Variants in TPH1 observed in about 807,000 individuals in gnomAD.
TPH1 encodes tryptophan 5-hydroxylase 1.
Under a neutral mutation model 49.5 loss-of-function variants are expected in TPH1, and 37 were observed. The ratio of observed to expected loss-of-function variants is 0.75; its 90% confidence interval spans 0.58 to 0.98. TPH1 has a LOEUF of 0.98. Ranked by LOEUF, TPH1 falls within the 50% of genes least tolerant of loss-of-function variation. The pLI, the probability that TPH1 is intolerant of heterozygous loss-of-function variation, is 0.00. For synonymous variants in TPH1, 160 were observed against 182.1 expected, an observed-to-expected ratio of 0.88 and a Z score of 0.98; for missense variants, 487 against 523.6, an observed-to-expected ratio of 0.93 and a Z score of 0.68.
chr11:18,035,055 C>CGGA (rs2134031861), intron 3 of TPH1, among the ~76,000 whole-genome samples: 1 of 152,362 alleles, frequency 6.6e-6, no homozygotes, highest in African/African-American at 2.4e-5. Flanking sequence ...CGCTCCTAGA[C>CGGA]GGAGCTCAGG....
chr11:18,032,047 T>C (rs1847995949), intron 4 of TPH1, among the ~76,000 whole-genome samples: 1 of 152,162 alleles, frequency 6.6e-6, no homozygotes, highest in African/African-American at 2.4e-5. Context: ...GATTATAGAA[T>C]AATTGGACAG....
rs930720356 is a variant in TPH1 at position 18,020,019 on chromosome 11, A to G, written c.*972T>C. 1 of 235,718 alleles carries G rather than the reference A, an allele frequency of 4.2e-6. No individual in the cohort carries two copies. The highest frequency in any genetic ancestry group is 2.3e-5 in the African/African-American group (1 of 43,274). 14.6% of individuals were successfully genotyped at this position (235,718 alleles called of 1,614,324 possible). A position where few individuals can be genotyped will look rare whatever the true frequency, so the allele number is the denominator to read the frequency against. On this transcript the variant is annotated 3_prime_UTR_variant, in exon 11 of 11. Coordinates refer to ENST00000682019, the MANE Select transcript of TPH1 (RefSeq NM_004179.3). ...ATACCTTAGAAATAAAGTACTCAGC[A>G]CTGTTTTTTCTATCTTTTACTTTGT... is the stretch of plus-strand genomic sequence containing the variant.
At chr11:18,031,589 G>C (rs1283964338) in intron 4 of TPH1, among the ~76,000 whole-genome samples, 1 of 152,122 alleles carries the variant, frequency 6.6e-6, no homozygotes, top group Non-Finnish European at 1.5e-5. Context: ...AAGGCTAAAA[G>C]AAGGGAGACC....
Position 18,022,724 on chromosome 11 carries a change from T to TA in TPH1, c.1160+73_1160+74insT, listed in dbSNP as rs1854376723. 6 of 1,558,430 alleles carry TA rather than the reference T, an allele frequency of 3.9e-6. No homozygotes were observed. In the South Asian group the frequency reaches 6.8e-5, roughly 18 times the overall value. ...GGCTTCAAATTATCTAGCTGCTTAC[T>TA]TCTGTGACTTGTTACCATAATGGGG... is the stretch of plus-strand genomic sequence containing the variant. On this transcript the variant is annotated intron_variant, in intron 10 of 10. Transcript: ENST00000682019.
chr11:18,021,308 T>TGCAAATGTAGTGTAGAGA, intron 10 of TPH1, 143 bp from the exon 11 acceptor site: 1 of 772,058 alleles, frequency 1.3e-6, no homozygotes, highest in Non-Finnish European at 2.2e-6. Context: ...CCTACTTCTC[T>TGCAAATGTAGTGTAGAGA]ACACTACATT....
intron 1 of TPH1, among the ~76,000 whole-genome samples, chr11:18,045,796 G>C (rs1159728204): frequency 6.6e-6 from 1 of 152,126 alleles, no homozygotes; most frequent in Non-Finnish European, 1.5e-5. Context: ...GGCTGTTTAA[G>C]GGAAGCTTCC....
chr11:18,019,766 G>C lies in TPH1; in HGVS notation c.*1225C>G, dbSNP rs1488105971. On this transcript the variant is annotated 3_prime_UTR_variant, in exon 11 of 11. Transcript: ENST00000682019. ...AGAGGGAGGAAAGGGGCAAATTAAA[G>C]AGACATAAGTTTGTATTTTGGAGTT... 2.2e-6 allele frequency: 1 copy of C among 456,958 alleles called. No individual in the cohort carries two copies. Among genetic ancestry groups the C allele is most frequent in the African/African-American group, 2.0e-5 (1 of 50,190 alleles). 28.3% of individuals were successfully genotyped at this position (456,958 alleles called of 1,614,324 possible). A position where few individuals can be genotyped will look rare whatever the true frequency, so the allele number is the denominator to read the frequency against.
chr11:18,029,286 G>A lies in TPH1; in HGVS notation c.546C>T (p.Asn182=), dbSNP rs1847959683. The change falls in exon 6 of 11, where the codon AAC becomes AAT. Residue 182 remains asparagine (N), a synonymous_variant. Coordinates refer to ENST00000682019, the MANE Select transcript of TPH1 (RefSeq NM_004179.3). Reference sequence around the variant, plus strand: ...TGCAAGCATGGGTTGGGTAGAGTTTGTTGAGCTCTTGGAATACGGTTCCCC... The same window carrying A: ...TGCAAGCATGGGTTGGGTAGAGTTTATTGAGCTCTTGGAATACGGTTCCCC... ...KTWGTVFQEL[N]KLYPTHACRE... The A allele has an allele frequency of 6.2e-7, 1 of 1,614,016 alleles. No individual in the cohort carries two copies. The highest frequency in any genetic ancestry group is 8.5e-7 in the Non-Finnish European group (1 of 1,179,944).
chr11:18,034,149 T>C (rs1170055490), intron 3 of TPH1, among the ~76,000 whole-genome samples: 1 of 152,244 alleles, frequency 6.6e-6, no homozygotes, highest in Non-Finnish European at 1.5e-5. Context: ...AGACTATATC[T>C]TTTTGTATCC....
chr11:18,021,186 G>A (rs1221147194), intron 10 of TPH1, 21 bp from the exon 11 acceptor site: 5 of 1,607,558 alleles, frequency 3.1e-6, no homozygotes, highest in Admixed American at 3.3e-5. Context: ...AAACAAATAG[G>A]AGACAATCAA....
intron 1 of TPH1, among the ~76,000 whole-genome samples, chr11:18,042,872 G>A (rs573300309): frequency 6.6e-6 from 1 of 152,300 alleles, no homozygotes; most frequent in Non-Finnish European, 1.5e-5. Flanking sequence ...ATGTGGAAAA[G>A]TTGCTTTATG....
intron 2 of TPH1, among the ~76,000 whole-genome samples, chr11:18,038,074 G>A (rs994723065): frequency 3.9e-5 from 6 of 152,182 alleles, no homozygotes; most frequent in South Asian, 4.1e-4. Context: ...TTGGGAAGAC[G>A]AGTGGAAAAG....
At chr11:18,029,787 A>G (rs1297296694) in intron 4 of TPH1, among the ~76,000 whole-genome samples, 5 of 152,332 alleles carry the variant, frequency 3.3e-5, no homozygotes, top group South Asian at 4.1e-4. Flanking sequence ...CTACAAAGAT[A>G]AAAGATATAA....
Position 18,036,023 on chromosome 11 carries a change from C to G in TPH1, c.237G>C (p.Leu79=), listed in dbSNP as rs745843992. 13 of 1,612,594 alleles carry G rather than the reference C, an allele frequency of 8.1e-6. No homozygotes were observed. The highest frequency in any genetic ancestry group is 1.1e-5 in the Non-Finnish European group (13 of 1,179,834). The change falls in exon 3 of 11, where the codon CTG becomes CTC. Residue 79 remains leucine (L), a synonymous_variant. Transcript: ENST00000682019. ...NREQLNDIFH[L]LKSHTNVLSV... ...AGAGAACATTGGTATGAGACTTCAGCAGATGAAAAATATCATTCAATTGTT... is the reference window on the plus strand; with the variant it reads ...AGAGAACATTGGTATGAGACTTCAGGAGATGAAAAATATCATTCAATTGTT...
chr11:18,027,332 C>T lies in TPH1; in HGVS notation c.668-707G>A, dbSNP rs555873032. Among the ~76,000 whole-genome samples the T allele has an allele frequency of 7.2e-5, 11 of 152,292 alleles. No homozygotes were observed. In the South Asian group the frequency reaches 2.1e-3, roughly 29 times the overall value. On this transcript the variant is annotated intron_variant, in intron 6 of 10. Coordinates refer to ENST00000682019, the MANE Select transcript of TPH1 (RefSeq NM_004179.3). ...ATTTGGATGCTCCCATTCTGATGGG[C>T]AGACTGCACTGTCCGGTAAAAATTT...
At chr11:18,046,075 A>G (rs1040007917) in intron 1 of TPH1, among the ~76,000 whole-genome samples, 166 bp downstream of exon 1, 1 of 152,198 alleles carries the variant, frequency 6.6e-6, no homozygotes, top group Non-Finnish European at 1.5e-5. Context: ...GGAGGAAAGA[A>G]TAGTAAGCGT....
At position 18,036,155 on chromosome 11, in the gene TPH1, C is replaced by T. The variant is rs368037942; in HGVS notation, c.118-13G>A. ...TCACATGCTTCTCCTGTGTAAAGCA[C>T]AGGGAAAAGATTTCATGTAACTGCC... is the stretch of plus-strand genomic sequence containing the variant. On this transcript the variant is annotated splice_polypyrimidine_tract_variant and intron_variant, in intron 2 of 10. Transcript: ENST00000682019. 2 of 1,607,236 alleles carry T rather than the reference C, an allele frequency of 1.2e-6. No individual in the cohort carries two copies. Among genetic ancestry groups the T allele is most frequent in the African/African-American group, 1.3e-5 (1 of 74,894 alleles).
chr11:18,024,998 C>T, intron 8 of TPH1, among the ~76,000 whole-genome samples: 1 of 152,150 alleles, frequency 6.6e-6, no homozygotes, highest in East Asian at 1.9e-4. Context: ...CTCTATGCTC[C>T]CAGAGCAATG....
chr11:18,029,551 C>CGGTATTTT lies in TPH1; in HGVS notation c.430_431insAAAATACC (p.Arg144GlnfsTer13). ...AGCCAAGTCCGCAAAATACTTTCGA[C>CGGTATTTT]GTTTACGGTAGACATTGTCTTTGAA... is the stretch of plus-strand genomic sequence containing the variant. On this transcript the variant is annotated frameshift_variant, in exon 5 of 11. Transcript: ENST00000682019. LOFTEE classifies it high-confidence loss of function. 6.2e-7 allele frequency: 1 copy of CGGTATTTT among 1,613,064 alleles called. No individual in the cohort carries two copies. The highest frequency in any genetic ancestry group is 8.5e-7 in the Non-Finnish European group (1 of 1,179,462).
Sources: gnomAD v4.1 joint callset for allele counts (sites outside exome capture counted in the v4.1 genomes callset) on GRCh38, gnomAD v4.1.1 for gene constraint, MANE v1.5 for transcripts, NCBI Gene and HGNC (gene_info 2026-07-23, HGNC 2026-07-21) for gene names.